Variants in DNAAF9 observed in about 807,000 individuals in gnomAD.
DNAAF9 encodes the protein shulin.
DNAAF9 carries 90 observed loss-of-function variants against 167.0 expected under a neutral mutation model. The observed-to-expected ratio is 0.54, with a 90% CI of 0.45 to 0.64. The LOEUF (loss-of-function observed/expected upper bound fraction) is 0.64, where lower values mean the gene tolerates loss of function less well. Ranked by LOEUF, DNAAF9 falls within the 30% of genes least tolerant of loss-of-function variation. The probability of loss-of-function intolerance (pLI) is 0.00; values close to 1 mark genes in which losing one functional copy is unlikely to be tolerated. For synonymous variants in DNAAF9, 491 were observed against 508.8 expected (o/e 0.96, Z 0.47); for missense variants, 1,315 against 1,442.2 (o/e 0.91, Z 1.43).
intron 13 of DNAAF9, 134 bp from the exon 14 acceptor site, chr20:3,325,102 C>A: frequency 1.5e-6 from 1 of 672,918 alleles, no homozygotes; most frequent in Non-Finnish European, 2.7e-6. Context: ...ATCTATGTGA[C>A]TACTTGGTAG....
intron 25 of DNAAF9, among the ~76,000 whole-genome samples, chr20:3,291,786 T>C (rs2068959231): frequency 6.6e-6 from 1 of 152,126 alleles, no homozygotes; most frequent in Non-Finnish European, 1.5e-5. Context: ...CCTCTTCTTT[T>C]GTAGGACCCA....
At chr20:3,340,755 T>C (rs1020400977) in intron 9 of DNAAF9, 116 bp from the exon 10 acceptor site, 6 of 924,734 alleles carry the variant, frequency 6.5e-6, no homozygotes, top group African/African-American at 1.6e-5. Context: ...CTGAGCAAAG[T>C]GGTCAGTCAG....
chr20:3,310,333 A>AAAAAG (rs1555790608), intron 20 of DNAAF9, among the ~76,000 whole-genome samples: 2 of 106,098 alleles, frequency 1.9e-5, no homozygotes, highest in Admixed American at 1.0e-4. Context: ...AAGAGAAAGA[A>AAAAAG]AAAGAAAGAA....
chr20:3,294,724 T>A (rs1285088797), intron 23 of DNAAF9, 95 bp from the exon 24 acceptor site: 3 of 783,690 alleles, frequency 3.8e-6, no homozygotes, highest in Non-Finnish European at 6.5e-6. Context: ...CAGAGTCCAA[T>A]GACAGAGTCA....
chr20:3,278,804 G>T, intron 29 of DNAAF9, 108 bp downstream of exon 29: 1 of 866,524 alleles, frequency 1.2e-6, no homozygotes, highest in Non-Finnish European at 2.0e-6. Flanking sequence ...GACCAATTTT[G>T]TTTGCTTTAG....
At chr20:3,260,976 G>A (rs1339534359) in intron 31 of DNAAF9, among the ~76,000 whole-genome samples, 1 of 152,122 alleles carries the variant, frequency 6.6e-6, no homozygotes, top group Non-Finnish European at 1.5e-5. Context: ...CCGCCATTTT[G>A]TTGCAGGCAG....
At position 3,397,719 on chromosome 20, in the gene DNAAF9, T is replaced by TGG. The variant is rs11087582; in HGVS notation, c.83+9754_83+9755dup. Among the ~76,000 whole-genome samples the TGG allele has an allele frequency of 4.1e-5, 6 of 147,234 alleles. No homozygotes were observed. In the East Asian group the frequency reaches 1.2e-3, roughly 31 times the overall value. On this transcript the variant is annotated intron_variant, in intron 1 of 36. Coordinates refer to ENST00000252032, the MANE Select transcript of DNAAF9 (RefSeq NM_001009984.3). ...TGTTAAATTTTAAGCAGATTTTTTT[T>TGG]GGGGGGGGGGAACATCTACCAGTCT...
intron 12 of DNAAF9, among the ~76,000 whole-genome samples, chr20:3,328,141 C>T (rs976705464): frequency 1.5e-4 from 23 of 151,490 alleles, no homozygotes; most frequent in Non-Finnish European, 2.8e-4. Context: ...ACACAAGCCA[C>T]ATGGCCGCTG....
chr20:3,256,854 A>G lies in DNAAF9; in HGVS notation c.3056-643T>C, dbSNP rs542188753. 2.0e-3 allele frequency among the ~76,000 whole-genome samples: 300 copies of G among 152,342 alleles called. 1 individual carries two copies. The highest frequency in any genetic ancestry group is 3.4e-3 in the Non-Finnish European group (228 of 68,028). ...CAGAGGCCTCAGAGGCCAAGGGAGG[A>G]GGGCACAGCCAACAGTACAACAAAA... On this transcript the variant is annotated intron_variant, in intron 33 of 36. Transcript: ENST00000252032.
intron 1 of DNAAF9, among the ~76,000 whole-genome samples, chr20:3,385,915 T>C (rs917341133): frequency 2.6e-5 from 4 of 152,314 alleles, no homozygotes; most frequent in East Asian, 1.9e-4. Flanking sequence ...AGTACTGATA[T>C]CAATTTTCCC....
intron 12 of DNAAF9, among the ~76,000 whole-genome samples, chr20:3,327,396 A>C (rs1238727040): frequency 6.6e-6 from 1 of 152,108 alleles, no homozygotes; most frequent in Non-Finnish European, 1.5e-5. Context: ...GAGGTACAAT[A>C]GAATTGCCCT....
chr20:3,259,160 A>T (rs928377717), intron 33 of DNAAF9, among the ~76,000 whole-genome samples: 1 of 152,198 alleles, frequency 6.6e-6, no homozygotes, highest in African/African-American at 2.4e-5. Context: ...GGTCTAGAGG[A>T]GGCCATGACT....
intron 9 of DNAAF9, among the ~76,000 whole-genome samples, chr20:3,341,501 C>T (rs2070084908): frequency 6.6e-6 from 1 of 152,320 alleles, no homozygotes; most frequent in East Asian, 1.9e-4. Flanking sequence ...TATGTCTGCT[C>T]CCCTTCCAGT....
At position 3,271,133 on chromosome 20, in the gene DNAAF9, G is replaced by T. The variant is rs145141441; in HGVS notation, c.2651-571C>A. 4.2e-3 allele frequency among the ~76,000 whole-genome samples: 642 copies of T among 151,956 alleles called. 5 individuals carry two copies. Among genetic ancestry groups the T allele is most frequent in the Non-Finnish European group, 6.6e-3 (451 of 67,970 alleles). ...CGGCCTCCTCTATTATTTTAATTCT[G>T]GTATCTAGCTGATACTTGGAATTCT... On this transcript the variant is annotated intron_variant, in intron 29 of 36. Transcript: ENST00000252032.
intron 1 of DNAAF9, among the ~76,000 whole-genome samples, chr20:3,385,055 A>G (rs912784036): frequency 1.3e-5 from 2 of 152,142 alleles, no homozygotes; most frequent in African/African-American, 4.8e-5. Flanking sequence ...AACTAGAAAT[A>G]GTTTCCTCAA....
intron 4 of DNAAF9, 93 bp downstream of exon 4, chr20:3,376,085 C>A: frequency 1.7e-6 from 2 of 1,154,538 alleles, no homozygotes; most frequent in East Asian, 2.4e-5. Flanking sequence ...TCACACTCTG[C>A]AATTTGATTG....
chr20:3,401,827 A>G (rs1319806805), intron 1 of DNAAF9, among the ~76,000 whole-genome samples: 1 of 149,458 alleles, frequency 6.7e-6, no homozygotes, highest in Non-Finnish European at 1.5e-5. Context: ...TATGTCACCC[A>G]AGCTACCTCG....
chr20:3,337,532 T>A (rs1476859629), intron 10 of DNAAF9, among the ~76,000 whole-genome samples: 1 of 151,988 alleles, frequency 6.6e-6, no homozygotes, highest in Non-Finnish European at 1.5e-5. Context: ...AGTATTTTTA[T>A]GATGGTTGCT....
intron 10 of DNAAF9, among the ~76,000 whole-genome samples, chr20:3,338,776 C>T (rs1027091564): frequency 2.6e-5 from 4 of 151,812 alleles, no homozygotes; most frequent in Admixed American, 1.3e-4. Context: ...CCTCAGCCTC[C>T]CTAGTAGCTG....
Sources: gnomAD v4.1 joint callset for allele counts (sites outside exome capture counted in the v4.1 genomes callset) on GRCh38, gnomAD v4.1.1 for gene constraint, MANE v1.5 for transcripts, NCBI Gene and HGNC (gene_info 2026-07-23, HGNC 2026-07-21) for gene names.